Variants in OSBPL9 observed in about 807,000 individuals in gnomAD.
OSBPL9 encodes oxysterol binding protein like 9.
OSBPL9 carries 40 observed loss-of-function variants against 106.6 expected under a neutral mutation model. That is an observed-to-expected ratio of 0.38 (90% CI 0.29 to 0.49). The LOEUF (loss-of-function observed/expected upper bound fraction) is 0.49, where lower values mean the gene tolerates loss of function less well. OSBPL9 is among the 20% of genes least tolerant of loss of function. OSBPL9 has a pLI of 0.97. For synonymous variants in OSBPL9, 269 were observed against 295.4 expected (o/e 0.91, Z 0.92); for missense variants, 609 against 887.2 (o/e 0.69, Z 3.98).
chr1:51,588,134 G>A (rs906184256), intron 1 of OSBPL9, among the ~76,000 whole-genome samples: 6 of 152,220 alleles, frequency 3.9e-5, no homozygotes, highest in Non-Finnish European at 8.8e-5. Context: ...TGTAATCCCA[G>A]CACTTTGGGA....
At chr1:51,680,210 T>A (rs1164287331) in intron 3 of OSBPL9, among the ~76,000 whole-genome samples, 1 of 151,892 alleles carries the variant, frequency 6.6e-6, no homozygotes, top group East Asian at 1.9e-4. Context: ...AGCCAAGATC[T>A]TGTCACTGCA....
At chr1:51,609,342 CT>C (rs1212729230) in intron 2 of OSBPL9, among the ~76,000 whole-genome samples, 4,908 of 138,168 alleles carry the variant, frequency 0.036, 185 homozygotes, top group East Asian at 0.1. Flanking sequence ...CTTCTCTCTC[CT>C]TTTTTTTTTT....
chr1:51,756,490 C>T (rs1670368521), intron 9 of OSBPL9, 132 bp downstream of exon 9: 2 of 814,520 alleles, frequency 2.5e-6, no homozygotes, highest in Non-Finnish European at 3.9e-6. Flanking sequence ...TTGACTCTTG[C>T]AGTTTCCTTT....
At chr1:51,768,610 G>C (rs1374346498) in intron 12 of OSBPL9, among the ~76,000 whole-genome samples, 1 of 152,366 alleles carries the variant, frequency 6.6e-6, no homozygotes, top group Middle Eastern at 3.4e-3. Context: ...GCATATGACT[G>C]TATTCAGTAA....
the OSBPL9 span, among the ~76,000 whole-genome samples, chr1:51,546,144 T>C: frequency 6.6e-6 from 1 of 152,092 alleles, no homozygotes; most frequent in Admixed American, 6.5e-5. Context: ...AGCCCCCAAG[T>C]AGCTGGGACT....
upstream of OSBPL9, among the ~76,000 whole-genome samples, chr1:51,615,713 T>C (rs939318056): frequency 6.6e-6 from 1 of 152,218 alleles, no homozygotes; most frequent in Non-Finnish European, 1.5e-5. Flanking sequence ...GCTCTTTCTC[T>C]TGATATTTGC....
intron 2 of OSBPL9, among the ~76,000 whole-genome samples, chr1:51,659,698 C>G (rs998993854): frequency 6.6e-6 from 1 of 151,620 alleles, no homozygotes; most frequent in Non-Finnish European, 1.5e-5. Context: ...AAGAAAAGTA[C>G]GTAATAGTAG....
Position 51,729,732 on chromosome 1 carries a change from G to T in OSBPL9, c.318+15653G>T, listed in dbSNP as rs1663877823. The T allele has an allele frequency of 1.0e-6, 1 of 957,442 alleles. No homozygotes were observed. Among genetic ancestry groups the T allele is most frequent in the African/African-American group, 1.7e-5 (1 of 59,450 alleles). The allele number at this position is 957,442 out of a possible 1,614,324, so 59.3% of individuals were successfully genotyped here. The stretch of plus-strand genomic sequence containing the variant: ...CAGGTGACCCATGGCCAATCGCCAG[G>T]GGTCTCTTTGCCAGGAGCCGCCAGG... On this transcript the variant is annotated intron_variant, in intron 4 of 23. Transcript: ENST00000428468. The surrounding 1 kb of genome is among the most constrained non-coding windows in gnomAD (Gnocchi z 5.1).
chr1:51,703,538 T>C (rs1302278780), intron 3 of OSBPL9, among the ~76,000 whole-genome samples: 1 of 152,234 alleles, frequency 6.6e-6, no homozygotes, highest in Non-Finnish European at 1.5e-5. Context: ...TAAGGAGATT[T>C]TGGGCTGAGA....
chr1:51,535,550 TTAC>T, the OSBPL9 span, among the ~76,000 whole-genome samples: 47 of 152,200 alleles, frequency 3.1e-4, no homozygotes, highest in South Asian at 4.2e-3. Context: ...ATTATTATTA[TTAC>T]TTTTTATTTT....
chr1:51,560,425 AC>A, the OSBPL9 span, among the ~76,000 whole-genome samples: 10 of 152,254 alleles, frequency 6.6e-5, no homozygotes, highest in Non-Finnish European at 1.0e-4. Context: ...AATAGTACTT[AC>A]CTTATAGAGT....
In OSBPL9 at chr1:51,772,627, C is replaced by T. The variant is rs201269450; in HGVS notation, c.1074C>T (p.Asp358=). The change falls in exon 14 of 24, where the codon GAC becomes GAT. Residue 358 remains aspartate, a synonymous_variant. Coordinates refer to ENST00000428468, the MANE Select transcript of OSBPL9 (RefSeq NM_024586.6). ...SDADLFDSHD[D]RDDDAEAGSV... ...TAGACCTGTTTGATTCACATGATGA[C>T]AGAGATGATGATGCGGAGGCAGGGT... 3.3e-5 allele frequency: 54 copies of T among 1,613,906 alleles called. 1 individual carries two copies. In the South Asian group the frequency reaches 5.8e-4, roughly 17 times the overall value.
chr1:51,623,373 G>A (rs1051130333), intron 1 of OSBPL9, among the ~76,000 whole-genome samples: 20 of 152,186 alleles, frequency 1.3e-4, no homozygotes, highest in East Asian at 3.8e-4. Context: ...CAGTCAGGAC[G>A]CAAGGAGTAT....
At chr1:51,608,733 A>G (rs1643966241) in intron 2 of OSBPL9, among the ~76,000 whole-genome samples, 4 of 151,458 alleles carry the variant, frequency 2.6e-5, no homozygotes. Flanking sequence ...ACTCTAACAT[A>G]TAGGCTAACC....
At chr1:51,775,603 CATTT>C (rs564959096) in intron 14 of OSBPL9, among the ~76,000 whole-genome samples, 1 of 151,920 alleles carries the variant, frequency 6.6e-6, no homozygotes, top group Non-Finnish European at 1.5e-5. Context: ...AGCTTGCTTG[CATTT>C]ATTTATTTAT....
intron 2 of OSBPL9, among the ~76,000 whole-genome samples, chr1:51,659,848 A>C (rs75434492): frequency 0.035 from 5,372 of 152,250 alleles, 121 homozygotes; most frequent in Non-Finnish European, 0.054. Flanking sequence ...TGATTCTAAA[A>C]GTCATTTAAA....
At chr1:51,563,286 C>T in the OSBPL9 span, among the ~76,000 whole-genome samples, 1 of 152,206 alleles carries the variant, frequency 6.6e-6, no homozygotes, top group Admixed American at 6.5e-5. Context: ...GACACCCTTT[C>T]TCCTTCTGGC....
chr1:51,610,678 T>C (rs1037283469), intron 2 of OSBPL9, among the ~76,000 whole-genome samples: 1 of 152,264 alleles, frequency 6.6e-6, no homozygotes, highest in African/African-American at 2.4e-5. Flanking sequence ...CTAATCTCTA[T>C]GAGCTCCTCT....
At chr1:51,771,482 T>C (rs1481249923) in intron 12 of OSBPL9, among the ~76,000 whole-genome samples, 11 of 152,110 alleles carry the variant, frequency 7.2e-5, no homozygotes, top group Admixed American at 7.2e-4. Context: ...AATATAAATA[T>C]ACGTGCGTGT....
Sources: allele counts gnomAD v4.1 joint callset (sites outside exome capture counted in the v4.1 genomes callset), GRCh38; gene constraint gnomAD v4.1.1; non-coding constraint Gnocchi (gnomAD v3.1); transcripts MANE v1.5; gene names NCBI Gene and HGNC (gene_info 2026-07-23, HGNC 2026-07-21).